Variants in KMT2C observed in about 807,000 individuals in gnomAD.
KMT2C encodes the protein histone-lysine N-methyltransferase 2C.
A neutral mutation model predicts 507.9 loss-of-function variants in KMT2C; 88 were observed. The observed-to-expected ratio is 0.17, with a 90% confidence interval of 0.15 to 0.21. KMT2C has a LOEUF of 0.21. Among genes scored for constraint, KMT2C ranks in the 10% least tolerant of loss-of-function variants. The probability of loss-of-function intolerance (pLI) is 1.00; values close to 1 mark genes in which losing one functional copy is unlikely to be tolerated. For synonymous variants in KMT2C, 2,049 were observed against 2,080.8 expected, an observed-to-expected ratio of 0.98 and a Z score of 0.42; for missense variants, 4,954 against 5,957.8, an observed-to-expected ratio of 0.83 and a Z score of 5.55.
intron 2 of KMT2C, among the ~76,000 whole-genome samples, chr7:152,340,449 C>CA (rs754133780): frequency 5.9e-5 from 9 of 152,112 alleles, no homozygotes; most frequent in Non-Finnish European, 1.2e-4. Flanking sequence ...TGCCTCCTGA[C>CA]AGTTATGTTT....
rs182979631 is a variant in KMT2C, at chr7:152,248,379, T to C, written c.2055A>G (p.Pro685=). 147 of 1,614,086 alleles carry C rather than the reference T, an allele frequency of 9.1e-5. No individual in the cohort carries two copies. The African/African-American group carries it at 1.8e-3, about 20-fold the overall frequency. The change falls in exon 14 of 59, where the codon CCA becomes CCG. Residue 685 remains proline, a synonymous_variant. Coordinates refer to ENST00000262189, the MANE Select transcript of KMT2C (RefSeq NM_170606.3). ...GAGTGACAGATTCCATGACTAATTT[T>C]GGAGGCCTTGATTCTTCTCTGGATA... ...TVVSREESRP[P]KLVMESVTLP... is the part of the protein sequence containing the mutation.
At chr7:152,281,728 T>C (rs2096214298) in intron 6 of KMT2C, among the ~76,000 whole-genome samples, 1 of 151,126 alleles carries the variant, frequency 6.6e-6, no homozygotes, top group Non-Finnish European at 1.5e-5. Context: ...TGAGACTCCA[T>C]CTCAAAAACA....
At chr7:152,205,721 C>T (rs751426134) in intron 24 of KMT2C, among the ~76,000 whole-genome samples, 10 of 152,128 alleles carry the variant, frequency 6.6e-5, no homozygotes, top group South Asian at 2.1e-4. Flanking sequence ...ATGAATTTAG[C>T]GTACCATACA....
intron 23 of KMT2C, among the ~76,000 whole-genome samples, chr7:152,210,424 A>C (rs1046785848): frequency 7.2e-5 from 11 of 152,198 alleles, no homozygotes; most frequent in African/African-American, 2.7e-4. Flanking sequence ...ATGTACCATA[A>C]AGATTATCCG....
chr7:152,432,311 G>C (rs1181101461), intron 1 of KMT2C, among the ~76,000 whole-genome samples: 1 of 152,122 alleles, frequency 6.6e-6, no homozygotes, highest in Non-Finnish European at 1.5e-5. Context: ...ACTTGGTAAT[G>C]TGAATTTACA....
At chr7:152,210,791 G>A (rs781743450) in intron 23 of KMT2C, among the ~76,000 whole-genome samples, 1 of 151,990 alleles carries the variant, frequency 6.6e-6, no homozygotes, top group Non-Finnish European at 1.5e-5. Flanking sequence ...GGCAAGAATA[G>A]GATGCTACAA....
intron 6 of KMT2C, among the ~76,000 whole-genome samples, chr7:152,280,742 A>G (rs1179249163): frequency 4.6e-5 from 7 of 152,208 alleles, no homozygotes; most frequent in Non-Finnish European, 1.0e-4. Context: ...TGCTGTTTTA[A>G]GATATTAAGT....
rs753425356 is a variant in KMT2C at position 152,178,011 on chromosome 7, C to CT, written c.7443-2dup. ...ATGACTACCTCCTGGAAATCCAAAT[C>CT]TTTTAAAAAAAAAAAAAAAAAAAAA... On this transcript the variant is annotated splice_acceptor_variant, in intron 37 of 58. Transcript: ENST00000262189. LOFTEE classifies it high-confidence loss of function. 1,181 of 302,562 alleles carry CT rather than the reference C, an allele frequency of 3.9e-3. 39 individuals are homozygous for CT. The highest frequency in any genetic ancestry group is 0.024 in the East Asian group (329 of 13,658). The allele number at this position is 302,562 out of a possible 1,614,324, so 18.7% of individuals were successfully genotyped here.
At position 152,162,249 on chromosome 7, in the gene KMT2C, A is replaced by T; in HGVS notation, c.11328T>A (p.Leu3776=). 1 of 1,614,156 alleles carries T rather than the reference A, an allele frequency of 6.2e-7. No homozygotes were observed. The highest frequency in any genetic ancestry group is 8.5e-7 in the Non-Finnish European group (1 of 1,180,014). The change falls in exon 43 of 59, where the codon CTT becomes CTA. Residue 3776 remains leucine, a synonymous_variant. Transcript: ENST00000262189. The part of the protein sequence containing the change: ...PAAKGDSGNE[L]LKHLLKNKKS... The stretch of plus-strand genomic sequence containing the variant: ...TTTTATTTTTCAACAAGTGTTTCAG[A>T]AGTTCATTCCCTGAGTCTCCTTTGG...
At chr7:152,331,563 G>A (rs891005915) in intron 2 of KMT2C, among the ~76,000 whole-genome samples, 2 of 151,012 alleles carry the variant, frequency 1.3e-5, no homozygotes, top group African/African-American at 4.9e-5. Flanking sequence ...GAGCTGTGAT[G>A]GCACCACTGG....
intron 16 of KMT2C, among the ~76,000 whole-genome samples, chr7:152,230,902 C>T (rs1445316782): frequency 6.6e-6 from 1 of 152,176 alleles, no homozygotes; most frequent in African/African-American, 2.4e-5. Context: ...GTTGCAACCT[C>T]TGCCTCCTGG....
intron 2 of KMT2C, among the ~76,000 whole-genome samples, chr7:152,349,041 C>G (rs554621711): frequency 1.3e-5 from 2 of 152,278 alleles, no homozygotes; most frequent in South Asian, 4.1e-4. Flanking sequence ...ACTGCCAAAA[C>G]CAGGGTGCAA....
At position 152,176,546 on chromosome 7, in the gene KMT2C, C is replaced by T. The variant is rs745471084; in HGVS notation, c.8907G>A (p.Met2969Ile). The change falls in exon 38 of 59, where the codon ATG (methionine) becomes ATA (isoleucine). Residue 2969 changes from methionine to isoleucine, a missense_variant. Physicochemically the swap from Met to Ile is conservative, Grantham distance 10. Around this residue, in one of 29 missense-constraint regions of KMT2C, gnomAD observed 1,689 missense variants for 1,654.3 expected, o/e 1.02. Coordinates refer to ENST00000262189, the MANE Select transcript of KMT2C (RefSeq NM_170606.3). ...APPGRVLDNA[M>I]NSNVTVVSRV... ...TAGAGACTACTGTCACATTAGAATTCATGGCATTATCCAAAACACGGCCAG... is the reference window on the plus strand; with the variant it reads ...TAGAGACTACTGTCACATTAGAATTTATGGCATTATCCAAAACACGGCCAG... 17 of 1,614,180 alleles carry T rather than the reference C, an allele frequency of 1.1e-5. No homozygotes were observed. The South Asian group carries it at 1.9e-4, about 18-fold the overall frequency.
At chr7:152,356,452 T>A (rs2129229696) in intron 2 of KMT2C, among the ~76,000 whole-genome samples, 1 of 151,960 alleles carries the variant, frequency 6.6e-6, no homozygotes, top group East Asian at 1.9e-4. Context: ...GGCGGGTGGC[T>A]GTAATCCCAG....
intron 6 of KMT2C, among the ~76,000 whole-genome samples, chr7:152,286,175 A>C (rs980214969): frequency 6.6e-6 from 1 of 152,312 alleles, no homozygotes; most frequent in Non-Finnish European, 1.5e-5. Flanking sequence ...AATCTACAAA[A>C]TATCAAATAT....
At chr7:152,147,132 G>A (rs1227882983) in intron 52 of KMT2C, among the ~76,000 whole-genome samples, 1 of 151,644 alleles carries the variant, frequency 6.6e-6, no homozygotes, top group Non-Finnish European at 1.5e-5. Context: ...TATTTTCTTT[G>A]GAATTATCTT....
chr7:152,146,887 A>G, intron 52 of KMT2C, 152 bp from the exon 53 acceptor site: 1 of 764,994 alleles, frequency 1.3e-6, no homozygotes, highest in Non-Finnish European at 2.0e-6. Flanking sequence ...GTAATAATCT[A>G]ATGAACCTGT....
intron 1 of KMT2C, among the ~76,000 whole-genome samples, chr7:152,426,949 C>CT: frequency 6.6e-6 from 1 of 152,032 alleles, no homozygotes; most frequent in Non-Finnish European, 1.5e-5. Context: ...AAGTATTAAG[C>CT]TTTTTTCTTT....
chr7:152,352,508 G>A (rs572033299), intron 2 of KMT2C, among the ~76,000 whole-genome samples: 74 of 152,126 alleles, frequency 4.9e-4, no homozygotes, highest in Non-Finnish European at 8.2e-4. Context: ...TTTGCGGCCT[G>A]TGGGGCATCA....
Sources: allele counts gnomAD v4.1 joint callset (sites outside exome capture counted in the v4.1 genomes callset), GRCh38; gene constraint gnomAD v4.1.1; regional missense constraint gnomAD v4.1.1; transcripts MANE v1.5; gene names NCBI Gene and HGNC (gene_info 2026-07-23, HGNC 2026-07-21).